B3GALT5: variants seen among roughly 807,000 people sequenced by gnomAD.
B3GALT5 encodes the protein UDP-Gal:betaGlcNAc beta 1,3-galactosyltransferase, polypeptide 5.
For missense variants in B3GALT5, 328 were observed against 396.6 expected (o/e 0.83, Z 1.47); for synonymous variants, 156 against 158.6 (o/e 0.98, Z 0.12).
intron 2 of B3GALT5, among the ~76,000 whole-genome samples, chr21:39,656,549 T>C (rs2079446555): frequency 6.6e-6 from 1 of 152,202 alleles, no homozygotes; most frequent in Non-Finnish European, 1.5e-5. Context: ...GCATACTCTT[T>C]CTGGCCTCAT....
Position 39,629,042 on chromosome 21 carries a change from C to T in B3GALT5, c.-392+15975C>T, listed in dbSNP as rs562731790. 1.7e-4 allele frequency among the ~76,000 whole-genome samples: 26 copies of T among 151,944 alleles called. No homozygotes were observed. In the East Asian group the frequency reaches 2.7e-3, roughly 16 times the overall value. On this transcript the variant is annotated intron_variant, in intron 1 of 3. Coordinates refer to ENST00000684187, the MANE Select transcript of B3GALT5 (RefSeq NM_001356336.2). ...CCTTTTTTTTTTTGAGATGGAGTCTCGCTCTGTCGCCCAGGTTGGAGTGCA... is the reference window on the plus strand; with the variant it reads ...CCTTTTTTTTTTTGAGATGGAGTCTTGCTCTGTCGCCCAGGTTGGAGTGCA...
intron 2 of B3GALT5, chr21:39,657,625 C>T: frequency 5.9e-6 from 2 of 336,726 alleles, no homozygotes; most frequent in Non-Finnish European, 1.1e-5. Context: ...CGTAATCACG[C>T]TAGCCAATTC....
chr21:39,639,449 T>TTTCTTTCG (rs1348274262), intron 1 of B3GALT5, among the ~76,000 whole-genome samples: 1 of 135,272 alleles, frequency 7.4e-6, no homozygotes, highest in Non-Finnish European at 1.6e-5. Context: ...TCTTTCTTTC[T>TTTCTTTCG]TTCTTTTTTT....
intron 1 of B3GALT5, among the ~76,000 whole-genome samples, chr21:39,640,771 A>G (rs2079283712): frequency 1.3e-5 from 2 of 151,958 alleles, no homozygotes; most frequent in South Asian, 4.2e-4. Flanking sequence ...TTTTCAAGAC[A>G]GAGTCTTGCT....
chr21:39,636,484 C>A (rs918536994), intron 1 of B3GALT5, among the ~76,000 whole-genome samples: 1 of 152,022 alleles, frequency 6.6e-6, no homozygotes, highest in African/African-American at 2.4e-5. Flanking sequence ...CAAATCCAAC[C>A]CCCCTGTTGT....
intron 1 of B3GALT5, among the ~76,000 whole-genome samples, chr21:39,645,442 T>G (rs2079328010): frequency 6.6e-6 from 1 of 152,188 alleles, no homozygotes; most frequent in Non-Finnish European, 1.5e-5. Flanking sequence ...TTCTTCCTTA[T>G]CAGAATTTTC....
intron 1 of B3GALT5, among the ~76,000 whole-genome samples, chr21:39,623,241 C>CCCTTCCTTCCTTCCTTCCTTCCTT (rs1182848314): frequency 4.5e-4 from 8 of 17,912 alleles, no homozygotes; most frequent in South Asian, 3.4e-3. Context: ...CTCCCTCCCT[C>CCCTTCCTTCCTTCCTTCCTTCCTT]CCTTCCTTCC....
Position 39,666,127 on chromosome 21 carries a change from CTG to C in B3GALT5, c.*4638_*4639del, listed in dbSNP as rs199723916. On this transcript the variant is annotated 3_prime_UTR_variant, in exon 4 of 4. Coordinates refer to ENST00000684187, the MANE Select transcript of B3GALT5 (RefSeq NM_001356336.2). ...CAGTAAGTAGGAAATGGGTGCGACT[CTG>C]TGACCTGAAAACCTAGAAATGCTCC... is the stretch of plus-strand genomic sequence containing the variant. 4,089 of 152,382 alleles carry C rather than the reference CTG, an allele frequency of 0.027. 76 individuals carry two copies. Among genetic ancestry groups the C allele is most frequent in the Admixed American group, 0.049 (752 of 15,304 alleles). The allele number at this position is 152,382 out of a possible 1,614,324, so 9.4% of individuals were successfully genotyped here.
At chr21:39,647,966 C>T (rs549780680) in intron 2 of B3GALT5, among the ~76,000 whole-genome samples, 1 of 152,288 alleles carries the variant, frequency 6.6e-6, no homozygotes, top group Admixed American at 6.5e-5. Flanking sequence ...GAATAATTGG[C>T]AGCCCTATTA....
Position 39,670,253 on chromosome 21 carries a change from GAGAC to G in B3GALT5, c.*8773_*8776del, listed in dbSNP as rs200955053. 0.03 allele frequency: 4,446 copies of G among 149,932 alleles called. 111 individuals are homozygous for G. The highest frequency in any genetic ancestry group is 0.076 in the African/African-American group (2,961 of 39,212). The allele number at this position is 149,932 out of a possible 1,614,324, so 9.3% of individuals were successfully genotyped here. ...TGTGTGTGTATCTATGAGAGAGAGAGAGACAGACAGACAGATCTGAGGCTCTAAT... is the reference window on the plus strand; with the variant it reads ...TGTGTGTGTATCTATGAGAGAGAGAGAGACAGACAGATCTGAGGCTCTAAT... On this transcript the variant is annotated 3_prime_UTR_variant, in exon 4 of 4. Transcript: ENST00000684187.
chr21:39,649,218 G>A (rs934707749), intron 2 of B3GALT5, among the ~76,000 whole-genome samples: 1 of 152,156 alleles, frequency 6.6e-6, no homozygotes, highest in African/African-American at 2.4e-5. Context: ...TCATGGGCCC[G>A]TAAAACCCTG....
In B3GALT5 at chr21:39,672,534, C is replaced by G. The variant is rs1216297594; in HGVS notation, c.*11042C>G. The G allele has an allele frequency of 1.3e-5, 2 of 152,048 alleles. No homozygotes were observed. The highest frequency in any genetic ancestry group is 2.4e-5 in the African/African-American group (1 of 41,368). The allele number at this position is 152,048 out of a possible 1,614,324, so 9.4% of individuals were successfully genotyped here. A position where few individuals can be genotyped will look rare whatever the true frequency, so the allele number is the denominator to read the frequency against. On this transcript the variant is annotated 3_prime_UTR_variant, in exon 4 of 4. Coordinates refer to ENST00000684187, the MANE Select transcript of B3GALT5 (RefSeq NM_001356336.2). ...TTGTATTTTGGAAATGGGTATATGT[C>G]CTTATTATTGGTTAATAATCATATT...
rs779308972 is a variant in B3GALT5 at position 39,661,087 on chromosome 21, A to G, written c.528A>G (p.Thr176=). The change falls in exon 4 of 4, where the codon ACA becomes ACG. Residue 176 remains threonine, a synonymous_variant. Coordinates refer to ENST00000684187, the MANE Select transcript of B3GALT5 (RefSeq NM_001356336.2). This position sits in a 1 kb window ranked among gnomAD's most constrained non-coding sequence, Gnocchi z 4.7. ...AACTGCTTCTGAAGAAAAACAGAAC[A>G]ACCAGGTTTTTCACTGGCTTCTTGA... is the stretch of plus-strand genomic sequence containing the variant. ...LTELLLKKNR[T]TRFFTGFLKL... is the part of the protein sequence containing the mutation. The G allele has an allele frequency of 6.2e-7, 1 of 1,614,174 alleles. No individual in the cohort carries two copies. Among genetic ancestry groups the G allele is most frequent in the East Asian group, 2.2e-5 (1 of 44,876 alleles).
rs1310560826 is a variant in B3GALT5 at position 39,659,921 on chromosome 21, T to C, written c.-1+9T>C. 2 of 984,454 alleles carry C rather than the reference T, an allele frequency of 2.0e-6. No individual in the cohort carries two copies. Among genetic ancestry groups the C allele is most frequent in the Non-Finnish European group, 2.4e-6 (2 of 829,180 alleles). The allele number at this position is 984,454 out of a possible 1,614,324, so 61.0% of individuals were successfully genotyped here. A position where few individuals can be genotyped will look rare whatever the true frequency, so the allele number is the denominator to read the frequency against. On this transcript the variant is annotated intron_variant, in intron 3 of 3. Transcript: ENST00000684187. Reference sequence around the variant, plus strand: ...CTCTTACCCAGCAAAAAGTGAGTTATACGCTTTCTTAATGTTATAACGTTA... The same window carrying C: ...CTCTTACCCAGCAAAAAGTGAGTTACACGCTTTCTTAATGTTATAACGTTA...
At chr21:39,638,375 A>C (rs559015461) in intron 1 of B3GALT5, among the ~76,000 whole-genome samples, 14 of 152,302 alleles carry the variant, frequency 9.2e-5, no homozygotes, top group African/African-American at 3.4e-4. Context: ...AAGCACAGAC[A>C]GGCACTGACA....
In B3GALT5 at chr21:39,671,873, G is replaced by A. The variant is rs983099278; in HGVS notation, c.*10381G>A. 3.3e-5 allele frequency: 5 copies of A among 152,180 alleles called. No homozygotes were observed. Among genetic ancestry groups the A allele is most frequent in the African/African-American group, 1.2e-4 (5 of 41,430 alleles). 9.4% of individuals were successfully genotyped at this position (152,180 alleles called of 1,614,324 possible). A position where few individuals can be genotyped will look rare whatever the true frequency, so the allele number is the denominator to read the frequency against. On this transcript the variant is annotated 3_prime_UTR_variant, in exon 4 of 4. Coordinates refer to ENST00000684187, the MANE Select transcript of B3GALT5 (RefSeq NM_001356336.2). The stretch of plus-strand genomic sequence containing the variant: ...TTGCTCTCAGATTGGCCTTGAAGCT[G>A]AAGGGAACCTGTCCACCCTCTGCAC...
At chr21:39,630,465 G>C (rs565470323) in intron 1 of B3GALT5, 4 of 152,314 alleles carry the variant, frequency 2.6e-5, no homozygotes, top group Admixed American at 2.6e-4. Flanking sequence ...GACTCACTCG[G>C]AACTGCTTGG....
chr21:39,656,497 C>T (rs565244593), intron 2 of B3GALT5, among the ~76,000 whole-genome samples: 3 of 152,334 alleles, frequency 2.0e-5, no homozygotes, highest in South Asian at 4.1e-4. Flanking sequence ...CCACCGAGGG[C>T]CACAGCCCCT....
Position 39,663,884 on chromosome 21 carries a change from G to C in B3GALT5, c.*2392G>C, listed in dbSNP as rs2079553019. 6.6e-6 allele frequency: 1 copy of C among 152,278 alleles called. No individual in the cohort carries two copies. The highest frequency in any genetic ancestry group is 1.5e-5 in the Non-Finnish European group (1 of 68,080). 9.4% of individuals were successfully genotyped at this position (152,278 alleles called of 1,614,324 possible). ...AGAAACAATGTGAAAGCATGAGTGA[G>C]GAGGCCAAGCAGTGCTTCCCCAGGA... On this transcript the variant is annotated 3_prime_UTR_variant, in exon 4 of 4. Coordinates refer to ENST00000684187, the MANE Select transcript of B3GALT5 (RefSeq NM_001356336.2).
Sources: allele counts gnomAD v4.1 joint callset (sites outside exome capture counted in the v4.1 genomes callset), GRCh38; gene constraint gnomAD v4.1.1; non-coding constraint Gnocchi (gnomAD v3.1); transcripts MANE v1.5; gene names NCBI Gene and HGNC (gene_info 2026-07-23, HGNC 2026-07-21).